VAT1L: variants seen among roughly 807,000 people sequenced by gnomAD.
VAT1L encodes putative NADPH-dependent quinone oxidoreductase VAT1L.
In VAT1L, 34 loss-of-function variants were observed where a neutral mutation model predicts 44.1. The observed-to-expected ratio is 0.77, with a 90% confidence interval of 0.59 to 1.03. The LOEUF (loss-of-function observed/expected upper bound fraction) is 1.03, where lower values mean the gene tolerates loss of function less well. Ranked by LOEUF, VAT1L falls within the 50% of genes least tolerant of loss-of-function variation. The probability of loss-of-function intolerance (pLI) is 0.00; values close to 1 mark genes in which losing one functional copy is unlikely to be tolerated. For missense variants in VAT1L, 615 were observed against 538.8 expected, an observed-to-expected ratio of 1.14 and a Z score of -1.40; for synonymous variants, 253 against 202.2, an observed-to-expected ratio of 1.25 and a Z score of -2.13.
At chr16:77,888,396 T>C (rs1460988226) in intron 7 of VAT1L, among the ~76,000 whole-genome samples, 1 of 152,208 alleles carries the variant, frequency 6.6e-6, no homozygotes, top group Non-Finnish European at 1.5e-5. Context: ...ACTGTGTGAA[T>C]GGAACAATCC....
chr16:77,888,789 C>T (rs988641767), intron 7 of VAT1L, among the ~76,000 whole-genome samples: 1 of 152,180 alleles, frequency 6.6e-6, no homozygotes, highest in African/African-American at 2.4e-5. Flanking sequence ...TACTTGAGAA[C>T]CACTGCTTTT....
At chr16:77,914,688 T>G (rs77148366) in intron 7 of VAT1L, among the ~76,000 whole-genome samples, 2 of 152,206 alleles carry the variant, frequency 1.3e-5, no homozygotes, top group East Asian at 3.9e-4. Flanking sequence ...CCAAATTGAT[T>G]GGGTAAAGAG....
intron 7 of VAT1L, among the ~76,000 whole-genome samples, chr16:77,943,400 G>A (rs1281065065): frequency 4.5e-5 from 5 of 110,780 alleles, no homozygotes; most frequent in Admixed American, 4.4e-4. Flanking sequence ...TTTTTTTTGA[G>A]ACAGAGTCTC....
chr16:77,930,731 C>G (rs1426801804), intron 7 of VAT1L, among the ~76,000 whole-genome samples: 1 of 152,176 alleles, frequency 6.6e-6, no homozygotes, highest in Non-Finnish European at 1.5e-5. Flanking sequence ...ATGGACATCT[C>G]CTCTTGGCCT....
intron 7 of VAT1L, among the ~76,000 whole-genome samples, chr16:77,968,315 C>A (rs979395453): frequency 1.3e-5 from 2 of 152,150 alleles, no homozygotes; most frequent in African/African-American, 2.4e-5. Flanking sequence ...AAAGCAAAAA[C>A]AAGTTCAAGA....
Position 77,971,937 on chromosome 16 carries a change from A to T in VAT1L, c.1161+4A>T. The stretch of plus-strand genomic sequence containing the variant: ...AGAAAAGACCCCAACTCCACTGGTG[A>T]GTGAAAAGCAGAGGAGTCTGTTCAG... On this transcript the variant is annotated splice_donor_region_variant and intron_variant, in intron 8 of 8. Transcript: ENST00000302536. The T allele has an allele frequency of 6.2e-7, 1 of 1,612,770 alleles. No homozygotes were observed. Among genetic ancestry groups the T allele is most frequent in the Non-Finnish European group, 8.5e-7 (1 of 1,179,332 alleles).
At chr16:77,950,594 G>C (rs761481072) in intron 7 of VAT1L, among the ~76,000 whole-genome samples, 1 of 152,102 alleles carries the variant, frequency 6.6e-6, no homozygotes, top group Non-Finnish European at 1.5e-5. Context: ...TATGTTCAGC[G>C]TGATCTTATC....
intron 1 of VAT1L, among the ~76,000 whole-genome samples, chr16:77,798,359 C>A (rs909020800): frequency 6.6e-6 from 1 of 152,210 alleles, no homozygotes; most frequent in Non-Finnish European, 1.5e-5. Context: ...CTAGCTCTAA[C>A]AATTTTAGCA....
intron 7 of VAT1L, among the ~76,000 whole-genome samples, chr16:77,915,093 C>A (rs1042783179): frequency 5.9e-5 from 9 of 151,986 alleles, no homozygotes; most frequent in African/African-American, 2.2e-4. Context: ...CCATTGCACT[C>A]CAGCCTGGGT....
intron 7 of VAT1L, among the ~76,000 whole-genome samples, chr16:77,908,051 T>C (rs2017456386): frequency 6.6e-6 from 1 of 152,010 alleles, no homozygotes; most frequent in African/African-American, 2.4e-5. Flanking sequence ...CCATCCTGGC[T>C]AACATGGTGA....
intron 7 of VAT1L, among the ~76,000 whole-genome samples, chr16:77,917,298 T>G (rs891977577): frequency 2.0e-5 from 3 of 152,196 alleles, no homozygotes; most frequent in Non-Finnish European, 2.9e-5. Flanking sequence ...CAAGCCATCC[T>G]GAGCTCTAAG....
At chr16:77,942,072 A>G (rs1323177245) in intron 7 of VAT1L, among the ~76,000 whole-genome samples, 2 of 152,182 alleles carry the variant, frequency 1.3e-5, no homozygotes, top group Admixed American at 6.5e-5. Flanking sequence ...TGATTAGTGT[A>G]TTAGTCCATT....
chr16:77,887,345 G>A (rs929763428), intron 7 of VAT1L, among the ~76,000 whole-genome samples: 3 of 152,154 alleles, frequency 2.0e-5, no homozygotes, highest in African/African-American at 7.2e-5. Flanking sequence ...TGGTCCCAAG[G>A]GTGTTATCCA....
At chr16:77,890,367 C>G (rs754532380) in intron 7 of VAT1L, among the ~76,000 whole-genome samples, 9 of 151,970 alleles carry the variant, frequency 5.9e-5, no homozygotes, top group Non-Finnish European at 1.3e-4. Context: ...AATCATGGTC[C>G]CCTTTGCTGC....
chr16:77,795,775 A>G (rs1597160635), intron 1 of VAT1L, among the ~76,000 whole-genome samples: 1 of 128,642 alleles, frequency 7.8e-6, no homozygotes, highest in Admixed American at 7.7e-5. Context: ...TTTATTAACC[A>G]TTTGTGTTTC....
chr16:77,834,646 G>A (rs1054975772), intron 3 of VAT1L, among the ~76,000 whole-genome samples: 1 of 151,878 alleles, frequency 6.6e-6, no homozygotes, highest in Non-Finnish European at 1.5e-5. Flanking sequence ...TCTCTATCCA[G>A]TCCCTGCATT....
chr16:77,857,603 A>AAT (rs2016871798), intron 3 of VAT1L, among the ~76,000 whole-genome samples: 1 of 151,094 alleles, frequency 6.6e-6, no homozygotes, highest in African/African-American at 2.4e-5. Context: ...ATACTCACAT[A>AAT]GCATACTAAT....
intron 7 of VAT1L, among the ~76,000 whole-genome samples, chr16:77,943,162 T>TTA (rs2017911449): frequency 6.6e-6 from 1 of 151,434 alleles, no homozygotes; most frequent in African/African-American, 2.4e-5. Context: ...GTTCAAGCGA[T>TTA]TCTCCTGCCT....
chr16:77,899,795 T>C (rs16946776), intron 7 of VAT1L, among the ~76,000 whole-genome samples: 34,140 of 152,192 alleles, frequency 0.22, 3,888 homozygotes, highest in South Asian at 0.27. Flanking sequence ...AGAGCGGATG[T>C]GTTCTCCAAG....
Sources: gnomAD v4.1 joint callset for allele counts (sites outside exome capture counted in the v4.1 genomes callset) on GRCh38, gnomAD v4.1.1 for gene constraint, MANE v1.5 for transcripts, NCBI Gene and HGNC (gene_info 2026-07-23, HGNC 2026-07-21) for gene names.